Variants in TPR observed in about 807,000 individuals in gnomAD.
TPR encodes nucleoprotein TPR.
Under a neutral mutation model 316.1 loss-of-function variants are expected in TPR, and 51 were observed. That is an observed-to-expected ratio of 0.16 (90% CI 0.13 to 0.20). The LOEUF is 0.20. Ranked by LOEUF, TPR falls within the 10% of genes least tolerant of loss-of-function variation. TPR has a pLI of 1.00. For synonymous variants in TPR, 981 were observed against 914.7 expected, an observed-to-expected ratio of 1.07 and a Z score of -1.31; for missense variants, 2,272 against 2,754.8, an observed-to-expected ratio of 0.82 and a Z score of 3.92.
In TPR at chr1:186,359,975, T is replaced by A; in HGVS notation, c.1213A>T (p.Thr405Ser). Residue 405 changes from threonine (T) to serine (S), a missense_variant, in exon 12 of 51, where the codon ACT becomes TCT. By Grantham distance (58) the Thr-to-Ser change is moderately conservative. Transcript: ENST00000367478. ...TTCTCCAAAAGCAACTGATCCTGAGTTTCCACATAAGCATTATAGAGCTGA... is the reference window on the plus strand; with the variant it reads ...TTCTCCAAAAGCAACTGATCCTGAGATTCCACATAAGCATTATAGAGCTGA... ...LTELYNAYVE[T>S]QDQLLLEKLE... 6.2e-7 allele frequency: 1 copy of A among 1,609,026 alleles called. No homozygotes were observed. The highest frequency in any genetic ancestry group is 2.2e-5 in the East Asian group (1 of 44,780).
chr1:186,359,873 G>A lies in TPR; in HGVS notation c.1315C>T (p.Arg439Cys), dbSNP rs779142365. The change falls in exon 12 of 51, where the codon CGC becomes TGC. Residue 439 changes from arginine (R) to cysteine (C), a missense_variant. This residue lies in a region of TPR where 549 missense variants were observed against 598.6 expected (regional missense o/e 0.92). Transcript: ENST00000367478. ...EVEAKAPILK[R>C]QREEYERAQK... ...GCACGTTCATATTCCTCACGCTGGC[G>A]TTTCAAAATTGGTGCTTTGGCTTCC... is the stretch of plus-strand genomic sequence containing the variant. 11 of 1,604,574 alleles carry A rather than the reference G, an allele frequency of 6.9e-6. No homozygotes were observed. The highest frequency in any genetic ancestry group is 4.5e-5 in the East Asian group (2 of 44,654).
At chr1:186,315,793 T>C (rs886130056) in intron 49 of TPR, among the ~76,000 whole-genome samples, 1 of 150,656 alleles carries the variant, frequency 6.6e-6, no homozygotes, top group Admixed American at 6.7e-5. Context: ...CCAGCCACAG[T>C]GGCCTCCTTG....
intron 13 of TPR, among the ~76,000 whole-genome samples, chr1:186,358,233 C>G (rs1659084625): frequency 1.3e-5 from 2 of 152,130 alleles, no homozygotes; most frequent in African/African-American, 4.8e-5. Context: ...ACACAACTGT[C>G]TGTTAACTTA....
intron 45 of TPR, among the ~76,000 whole-genome samples, chr1:186,321,679 T>C (rs1657780660): frequency 1.3e-5 from 2 of 152,286 alleles, no homozygotes; most frequent in East Asian, 1.9e-4. Flanking sequence ...TCATCTCATA[T>C]TCTTTCTCAT....
chr1:186,318,855 ATGAC>A (rs751166838), intron 46 of TPR, 27 bp from the exon 47 acceptor site: 12 of 1,600,792 alleles, frequency 7.5e-6, no homozygotes, highest in Non-Finnish European at 1.0e-5. Flanking sequence ...ATATTAATGA[ATGAC>A]TGAAAAAAAC....
At chr1:186,353,487 C>G (rs1197645506) in intron 18 of TPR, among the ~76,000 whole-genome samples, 8 of 152,136 alleles carry the variant, frequency 5.3e-5, no homozygotes, top group African/African-American at 1.9e-4. Context: ...AAAACAAATT[C>G]CTTTCCCTCT....
intron 10 of TPR, 118 bp downstream of exon 10, chr1:186,360,647 C>T: frequency 7.6e-7 from 1 of 1,322,974 alleles, no homozygotes; most frequent in Non-Finnish European, 1.0e-6. Flanking sequence ...ATTAATATAA[C>T]TCGATGGAGT....
At chr1:186,338,940 C>T (rs1314253615) in intron 30 of TPR, among the ~76,000 whole-genome samples, 1 of 151,898 alleles carries the variant, frequency 6.6e-6, no homozygotes, top group Non-Finnish European at 1.5e-5. Flanking sequence ...TAGATGATTG[C>T]TATAAAGAGA....
chr1:186,353,778 T>C lies in TPR; in HGVS notation c.2244A>G (p.Lys748=), dbSNP rs780019908. Residue 748 remains lysine (K), a synonymous_variant, in exon 18 of 51, where the codon AAA becomes AAG. Coordinates refer to ENST00000367478, the MANE Select transcript of TPR (RefSeq NM_003292.3). The part of the protein sequence containing the change: ...EITSLHERNQ[K]LTATTQKQEQ... ...CTTGCTTTTGAGTTGTGGCAGTGAG[T>C]TTCTGATTTCTCTCATGAAGTGATG... 1.2e-6 allele frequency: 2 copies of C among 1,614,142 alleles called. No individual in the cohort carries two copies. The highest frequency in any genetic ancestry group is 1.7e-6 in the Non-Finnish European group (2 of 1,180,008).
chr1:186,328,266 G>GT (rs1221301711), intron 39 of TPR, among the ~76,000 whole-genome samples: 3 of 152,072 alleles, frequency 2.0e-5, no homozygotes, highest in Non-Finnish European at 2.9e-5. Context: ...GTGATATCGC[G>GT]TATCAGTGCT....
intron 4 of TPR, among the ~76,000 whole-genome samples, chr1:186,363,848 C>T (rs76469621): frequency 1.3e-5 from 2 of 151,972 alleles, no homozygotes; most frequent in Non-Finnish European, 2.9e-5. Flanking sequence ...ACAAACACTA[C>T]ACAACCCTAT....
chr1:186,363,909 A>T (rs1213871605), intron 4 of TPR, among the ~76,000 whole-genome samples: 1 of 152,110 alleles, frequency 6.6e-6, no homozygotes, highest in Admixed American at 6.6e-5. Context: ...ATTAAACCAT[A>T]ACTGCATAAA....
At position 186,354,761 on chromosome 1, in the gene TPR, T is replaced by C. The variant is rs371632575; in HGVS notation, c.2171+649A>G. 2.4e-3 allele frequency among the ~76,000 whole-genome samples: 367 copies of C among 152,298 alleles called. 5 individuals are homozygous for C. The highest frequency in any genetic ancestry group is 8.3e-3 in the African/African-American group (343 of 41,562). ...GCACTTGCTTCTCTTCTACCTAGAATAGAAAAGGTGGAATAAAATTTGCTC... is the reference window on the plus strand; with the variant it reads ...GCACTTGCTTCTCTTCTACCTAGAACAGAAAAGGTGGAATAAAATTTGCTC... On this transcript the variant is annotated intron_variant, in intron 17 of 50. Transcript: ENST00000367478.
intron 21 of TPR, among the ~76,000 whole-genome samples, chr1:186,348,926 A>T (rs911570501): frequency 6.6e-6 from 1 of 152,196 alleles, no homozygotes; most frequent in African/African-American, 2.4e-5. Flanking sequence ...ATAATTATCT[A>T]CTAGATAATT....
At chr1:186,320,002 T>C (rs1657731075) in intron 46 of TPR, among the ~76,000 whole-genome samples, 1 of 152,202 alleles carries the variant, frequency 6.6e-6, no homozygotes, top group East Asian at 1.9e-4. Context: ...TGGCTAGTAG[T>C]ACCTATATTT....
At chr1:186,349,329 C>A (rs1487076778) in intron 21 of TPR, among the ~76,000 whole-genome samples, 1 of 152,168 alleles carries the variant, frequency 6.6e-6, no homozygotes, top group African/African-American at 2.4e-5. Context: ...AGTCTGCATA[C>A]AATTATTAGT....
In TPR at chr1:186,332,298, T is replaced by G; in HGVS notation, c.5501A>C (p.Glu1834Ala). Residue 1834 changes from glutamate (E) to alanine (A), a missense_variant, in exon 38 of 51, where the codon GAG becomes GCG. Coordinates refer to ENST00000367478, the MANE Select transcript of TPR (RefSeq NM_003292.3). ...SSSLPKRTRE[E>A]EEDSTIEASD... ...TGCTTCTATGGTGCTATCCTCTTCCTCTTCACGTGTACGCTTTGGCAAAGA... is the reference window on the plus strand; with the variant it reads ...TGCTTCTATGGTGCTATCCTCTTCCGCTTCACGTGTACGCTTTGGCAAAGA... The G allele has an allele frequency of 6.2e-7, 1 of 1,612,840 alleles. No individual in the cohort carries two copies. The highest frequency in any genetic ancestry group is 8.5e-7 in the Non-Finnish European group (1 of 1,179,344).
At chr1:186,369,089 T>C (rs946658212) in intron 3 of TPR, among the ~76,000 whole-genome samples, 7 of 152,220 alleles carry the variant, frequency 4.6e-5, no homozygotes, top group African/African-American at 7.2e-5. Flanking sequence ...AGGCTCTCTA[T>C]TCTATTCCAT....
chr1:186,333,044 G>GAT, intron 37 of TPR, 78 bp downstream of exon 37: 1 of 1,490,318 alleles, frequency 6.7e-7, no homozygotes, highest in South Asian at 1.3e-5. Context: ...GAATACTCAA[G>GAT]ATATATATAC....
Sources: gnomAD v4.1 joint callset for allele counts (sites outside exome capture counted in the v4.1 genomes callset) on GRCh38, gnomAD v4.1.1 for gene constraint, gnomAD v4.1.1 regional missense constraint, MANE v1.5 for transcripts, NCBI Gene and HGNC (gene_info 2026-07-23, HGNC 2026-07-21) for gene names.